Variants in RBMS1 observed in about 807,000 individuals in gnomAD.
RBMS1 encodes RNA-binding motif, single-stranded-interacting protein 1.
A neutral mutation model predicts 62.3 loss-of-function variants in RBMS1; 17 were observed. The ratio of observed to expected loss-of-function variants is 0.27; its 90% CI spans 0.19 to 0.41. RBMS1 has a LOEUF of 0.41. Ranked by LOEUF, RBMS1 falls within the 10% of genes least tolerant of loss-of-function variation. The pLI is 1.00. For synonymous variants in RBMS1, 172 were observed against 170.0 expected, an observed-to-expected ratio of 1.01 and a Z score of -0.09; for missense variants, 334 against 504.5, an observed-to-expected ratio of 0.66 and a Z score of 3.24.
chr2:160,443,211 C>CAAAA (rs67505228), intron 1 of RBMS1, among the ~76,000 whole-genome samples: 1 of 133,252 alleles, frequency 7.5e-6, no homozygotes, highest in African/African-American at 2.9e-5. Context: ...CTTAAGAAAA[C>CAAAA]AAAAAAAAAA....
intron 5 of RBMS1, among the ~76,000 whole-genome samples, chr2:160,302,242 TGGA>T (rs1689247124): frequency 6.6e-6 from 1 of 151,848 alleles, no homozygotes; most frequent in Non-Finnish European, 1.5e-5. Flanking sequence ...TCACCCAGGC[TGGA>T]GTGCACTGGC....
chr2:160,310,772 T>C (rs971419392), intron 4 of RBMS1, among the ~76,000 whole-genome samples: 3 of 152,182 alleles, frequency 2.0e-5, no homozygotes, highest in African/African-American at 7.2e-5. Context: ...GATTAAACAT[T>C]CTGCAAATCA....
chr2:160,376,285 C>T (rs1573958419), intron 1 of RBMS1, among the ~76,000 whole-genome samples: 1 of 152,140 alleles, frequency 6.6e-6, no homozygotes, highest in African/African-American at 2.4e-5. Flanking sequence ...TTAGATCCAG[C>T]GGGACATGTG....
chr2:160,406,975 T>G (rs1259255609), intron 1 of RBMS1, among the ~76,000 whole-genome samples: 1 of 152,108 alleles, frequency 6.6e-6, no homozygotes, highest in Non-Finnish European at 1.5e-5. Context: ...CTTTCTCTTT[T>G]TTTTTCTTTA....
At chr2:160,306,260 C>T (rs1689516662) in intron 4 of RBMS1, among the ~76,000 whole-genome samples, 1 of 151,820 alleles carries the variant, frequency 6.6e-6, no homozygotes, top group Non-Finnish European at 1.5e-5. Flanking sequence ...ACAATGTAGG[C>T]ACTAAATCTG....
intron 1 of RBMS1, among the ~76,000 whole-genome samples, chr2:160,440,868 T>C (rs539185325): frequency 1.3e-5 from 2 of 152,340 alleles, no homozygotes; most frequent in South Asian, 4.1e-4. Flanking sequence ...GGAAGGTAGA[T>C]TGTTTTGCTT....
At chr2:160,283,078 G>A (rs746523566) in intron 9 of RBMS1, 1 of 152,154 alleles carries the variant, frequency 6.6e-6, no homozygotes. Flanking sequence ...TGTACAAAAT[G>A]GTTCTGTGGC....
intron 6 of RBMS1, among the ~76,000 whole-genome samples, chr2:160,297,591 C>A (rs949912646): frequency 6.6e-6 from 1 of 152,242 alleles, no homozygotes; most frequent in African/African-American, 2.4e-5. Flanking sequence ...CCACAGCACA[C>A]ACGGAGGTGT....
intron 1 of RBMS1, among the ~76,000 whole-genome samples, chr2:160,465,888 A>ACACACACACACACACACACT (rs569580064): frequency 6.8e-4 from 99 of 145,378 alleles, no homozygotes; most frequent in Middle Eastern, 3.5e-3. Context: ...ACACACACAC[A>ACACACACACACACACACACT]CTCTCACATT....
At position 160,422,994 on chromosome 2, in the gene RBMS1, T is replaced by C. The variant is rs565231902; in HGVS notation, c.76-55603A>G. ...AGGTAGAGATCATTCATTATTTACA[T>C]GAAATTCTCTCAGTTATCTCTCAAA... is the stretch of plus-strand genomic sequence containing the variant. On this transcript the variant is annotated intron_variant, in intron 1 of 13. Coordinates refer to ENST00000348849, the MANE Select transcript of RBMS1 (RefSeq NM_016836.4). Among the ~76,000 whole-genome samples the C allele has an allele frequency of 6.6e-5, 10 of 152,316 alleles. No individual in the cohort carries two copies. In the South Asian group the frequency reaches 2.1e-3, roughly 32 times the overall value.
intron 1 of RBMS1, among the ~76,000 whole-genome samples, chr2:160,426,301 G>GAGAAA (rs1559537559): frequency 3.5e-5 from 1 of 28,584 alleles, no homozygotes; most frequent in Non-Finnish European, 8.1e-5. Flanking sequence ...AAAGAAAGAA[G>GAGAAA]GAAGGAAGGA....
At chr2:160,406,780 T>C (rs368376053) in intron 1 of RBMS1, among the ~76,000 whole-genome samples, 22 of 152,272 alleles carry the variant, frequency 1.4e-4, no homozygotes, top group East Asian at 5.8e-4. Flanking sequence ...CAGCAGGGGA[T>C]TGTGATCTAA....
chr2:160,487,815 A>G (rs1354957714), intron 1 of RBMS1, among the ~76,000 whole-genome samples: 1 of 152,248 alleles, frequency 6.6e-6, no homozygotes, highest in Non-Finnish European at 1.5e-5. Flanking sequence ...TGGGGAGAGA[A>G]TAACAATGCT....
At chr2:160,318,252 A>G in intron 2 of RBMS1, 25 bp from the exon 3 acceptor site, 2 of 1,404,624 alleles carry the variant, frequency 1.4e-6, no homozygotes, top group East Asian at 2.6e-5. Context: ...AAAAAAAAAA[A>G]GGAAAAAAAG....
At chr2:160,483,349 T>C (rs1467590080) in intron 1 of RBMS1, among the ~76,000 whole-genome samples, 1 of 152,210 alleles carries the variant, frequency 6.6e-6, no homozygotes, top group Non-Finnish European at 1.5e-5. Context: ...TAAGTTTCAA[T>C]CTCATTAGGA....
intron 1 of RBMS1, among the ~76,000 whole-genome samples, chr2:160,373,530 C>T (rs1048549398): frequency 2.0e-5 from 3 of 152,170 alleles, no homozygotes; most frequent in Non-Finnish European, 2.9e-5. Context: ...AGAACTCCAG[C>T]GACTCGCCAA....
chr2:160,322,785 G>A (rs541876821), intron 2 of RBMS1, among the ~76,000 whole-genome samples: 9 of 152,276 alleles, frequency 5.9e-5, no homozygotes, highest in South Asian at 4.2e-4. Flanking sequence ...CTTGAAATCC[G>A]TCAGGCCCTA....
chr2:160,364,451 A>T (rs1226141128), intron 2 of RBMS1, among the ~76,000 whole-genome samples: 1 of 152,188 alleles, frequency 6.6e-6, no homozygotes, highest in Non-Finnish European at 1.5e-5. Flanking sequence ...ACCACCCTGT[A>T]TCAGGAACTT....
intron 1 of RBMS1, among the ~76,000 whole-genome samples, chr2:160,439,126 G>C (rs1166235227): frequency 1.9e-4 from 28 of 150,110 alleles, no homozygotes; most frequent in Admixed American, 1.8e-3. Context: ...CGGATGGGGC[G>C]GCTGGCCGGG....
Sources: allele counts gnomAD v4.1 joint callset (sites outside exome capture counted in the v4.1 genomes callset), GRCh38; gene constraint gnomAD v4.1.1; transcripts MANE v1.5; gene names NCBI Gene and HGNC (gene_info 2026-07-23, HGNC 2026-07-21).